Variants in LRRC7 observed in about 807,000 individuals in gnomAD.
LRRC7 encodes leucine rich repeat containing 7.
A neutral mutation model predicts 175.7 loss-of-function variants in LRRC7; 23 were observed. The ratio of observed to expected loss-of-function variants is 0.13; its 90% CI spans 0.09 to 0.19. LRRC7 has a LOEUF of 0.19. LRRC7 is among the 10% of genes least tolerant of loss of function. The probability of loss-of-function intolerance (pLI) is 1.00; values close to 1 mark genes in which losing one functional copy is unlikely to be tolerated. For missense variants in LRRC7, 1,354 were observed against 1,904.7 expected, an observed-to-expected ratio of 0.71 and a Z score of 5.38; for synonymous variants, 685 against 680.9, an observed-to-expected ratio of 1.01 and a Z score of -0.09.
intron 1 of LRRC7, among the ~76,000 whole-genome samples, chr1:69,599,658 G>T (rs1646974869): frequency 2.0e-5 from 3 of 152,264 alleles, no homozygotes; most frequent in Admixed American, 2.0e-4. Flanking sequence ...CCAATTCCTT[G>T]GTTCTGGGAT....
Position 69,717,762 on chromosome 1 carries a change from A to AAAGAAAGAAAGAAAGAAAGAAAG in LRRC7, c.100+39286_100+39287insGAAAGAAAGAAAGAAAGAAAGAA, listed in dbSNP as rs1557640309. ...ATTTAAAAGATATTGGAACATGAAA[A>AAAGAAAGAAAGAAAGAAAGAAAG]AAAGAAAAAAAGAAAGAAAGAAAGA... On this transcript the variant is annotated intron_variant, in intron 2 of 26. Transcript: ENST00000651989. Among the ~76,000 whole-genome samples, 12 of 40,842 alleles carry AAAGAAAGAAAGAAAGAAAGAAAG rather than the reference A, an allele frequency of 2.9e-4. 5 individuals are homozygous for AAAGAAAGAAAGAAAGAAAGAAAG. The highest frequency in any genetic ancestry group is 7.2e-4 in the African/African-American group (5 of 6,934). The allele number at this position is 40,842 out of a possible 152,430, so 26.8% of individuals were successfully genotyped here.
At chr1:69,905,879 G>A (rs946441038) in intron 7 of LRRC7, among the ~76,000 whole-genome samples, 10 of 152,196 alleles carry the variant, frequency 6.6e-5, no homozygotes, top group African/African-American at 9.7e-5. Context: ...CACCAACAGT[G>A]TAAAAGTGTT....
intron 7 of LRRC7, among the ~76,000 whole-genome samples, chr1:69,901,459 T>TG (rs35390232): frequency 0.55 from 84,268 of 151,860 alleles, 23,459 homozygotes; most frequent in East Asian, 0.7. Context: ...CCTTTTCTTA[T>TG]GGGGAAGTGG....
intron 1 of LRRC7, among the ~76,000 whole-genome samples, chr1:69,582,507 C>T (rs750211476): frequency 2.6e-5 from 4 of 152,166 alleles, no homozygotes; most frequent in Non-Finnish European, 5.9e-5. Context: ...CTTCTGCTCA[C>T]ACATAGCATA....
In LRRC7 at chr1:70,130,467, C is replaced by G. The variant is rs1451251837; in HGVS notation, c.*8580C>G. 2.0e-5 allele frequency among the ~76,000 whole-genome samples: 3 copies of G among 152,170 alleles called. No individual in the cohort carries two copies. The highest frequency in any genetic ancestry group is 7.2e-5 in the African/African-American group (3 of 41,436). On this transcript the variant is annotated 3_prime_UTR_variant, in exon 27 of 27. Coordinates refer to ENST00000651989, the MANE Select transcript of LRRC7 (RefSeq NM_001370785.2). ...ACCAACCTTTCATCTTCTCAGTTGACTCAAAATTCCCAGTTAAAAAAAATT... is the reference window on the plus strand; with the variant it reads ...ACCAACCTTTCATCTTCTCAGTTGAGTCAAAATTCCCAGTTAAAAAAAATT...
intron 1 of LRRC7, among the ~76,000 whole-genome samples, chr1:69,640,576 A>T (rs1392906218): frequency 6.6e-6 from 1 of 150,842 alleles, no homozygotes; most frequent in Non-Finnish European, 1.5e-5. Context: ...TTATGTTAAT[A>T]TAAATAAATA....
At chr1:69,662,802 A>G (rs1657674000) in intron 1 of LRRC7, among the ~76,000 whole-genome samples, 1 of 152,248 alleles carries the variant, frequency 6.6e-6, no homozygotes, top group Admixed American at 6.5e-5. Flanking sequence ...CTTGATATGC[A>G]TGCTTTCAGC....
intron 3 of LRRC7, among the ~76,000 whole-genome samples, chr1:69,764,276 T>C (rs1345475927): frequency 1.3e-5 from 2 of 151,822 alleles, no homozygotes; most frequent in African/African-American, 2.4e-5. Flanking sequence ...AACAGGTGCA[T>C]ATTATATATG....
chr1:69,591,325 A>G (rs1020778345), intron 1 of LRRC7, among the ~76,000 whole-genome samples: 1 of 152,100 alleles, frequency 6.6e-6, no homozygotes, highest in Non-Finnish European at 1.5e-5. Context: ...CAATTTGTTC[A>G]TATCAGTATC....
chr1:69,881,885 T>TA lies in LRRC7; in HGVS notation c.647+43618dup, dbSNP rs61466996. 6.4e-3 allele frequency among the ~76,000 whole-genome samples: 776 copies of TA among 120,910 alleles called. 6 individuals carry two copies. The highest frequency in any genetic ancestry group is 9.1e-3 in the Middle Eastern group (2 of 220). 79.3% of individuals were successfully genotyped at this position (120,910 alleles called of 152,430 possible). A position where few individuals can be genotyped will look rare whatever the true frequency, so the allele number is the denominator to read the frequency against. On this transcript the variant is annotated intron_variant, in intron 7 of 26. Coordinates refer to ENST00000651989, the MANE Select transcript of LRRC7 (RefSeq NM_001370785.2). ...ACAGAGTGAGACCCTGTCTCCAGATTAAAAAAAAAAAAAAAAGAACAAATA... is the reference window on the plus strand; with the variant it reads ...ACAGAGTGAGACCCTGTCTCCAGATTAAAAAAAAAAAAAAAAAGAACAAATA...
intron 8 of LRRC7, among the ~76,000 whole-genome samples, chr1:69,946,975 G>C (rs568670119): frequency 3.9e-4 from 60 of 152,170 alleles, no homozygotes; most frequent in African/African-American, 1.4e-3. Flanking sequence ...CTAATCTGGA[G>C]GCTGAGGCAT....
At chr1:69,901,694 A>G (rs1374193747) in intron 7 of LRRC7, among the ~76,000 whole-genome samples, 1 of 152,102 alleles carries the variant, frequency 6.6e-6, no homozygotes, top group African/African-American at 2.4e-5. Flanking sequence ...ATCATCTTTG[A>G]TCTCCTTCAT....
At chr1:69,785,379 A>G (rs917483693) in intron 3 of LRRC7, among the ~76,000 whole-genome samples, 1 of 152,130 alleles carries the variant, frequency 6.6e-6, no homozygotes, top group African/African-American at 2.4e-5. Context: ...ACAACTTTGC[A>G]TCAAGTTTTG....
intron 8 of LRRC7, among the ~76,000 whole-genome samples, chr1:69,951,340 A>T (rs1649903208): frequency 2.0e-5 from 3 of 152,062 alleles, no homozygotes; most frequent in Admixed American, 2.0e-4. Context: ...ACTGTTGGTG[A>T]TACTGTAAAT....
chr1:69,963,168 G>T (rs2101849108), intron 8 of LRRC7, among the ~76,000 whole-genome samples: 1 of 151,898 alleles, frequency 6.6e-6, no homozygotes, highest in South Asian at 2.1e-4. Context: ...AGCCGGGCAT[G>T]GTGGTACATG....
chr1:69,915,489 G>A (rs1236953148), intron 7 of LRRC7, among the ~76,000 whole-genome samples: 1 of 152,124 alleles, frequency 6.6e-6, no homozygotes, highest in Non-Finnish European at 1.5e-5. Context: ...TCTAAGAAAT[G>A]TCCTGCAGGA....
At chr1:69,677,832 A>C (rs1659985892) in intron 1 of LRRC7, among the ~76,000 whole-genome samples, 1 of 152,050 alleles carries the variant, frequency 6.6e-6, no homozygotes, top group African/African-American at 2.4e-5. Context: ...TTAGTTATGG[A>C]GGCTAGGAAG....
chr1:70,058,672 A>G (rs1661344148), intron 23 of LRRC7, among the ~76,000 whole-genome samples: 1 of 152,238 alleles, frequency 6.6e-6, no homozygotes, highest in Non-Finnish European at 1.5e-5. Flanking sequence ...AGTAAGCACT[A>G]TTATTTTGTT....
intron 2 of LRRC7, among the ~76,000 whole-genome samples, chr1:69,718,425 T>C (rs1026301784): frequency 1.3e-5 from 2 of 151,758 alleles, no homozygotes; most frequent in African/African-American, 2.4e-5. Context: ...TTAACTTCAA[T>C]AGAGGATATT....
Sources: gnomAD v4.1 joint callset for allele counts (sites outside exome capture counted in the v4.1 genomes callset) on GRCh38, gnomAD v4.1.1 for gene constraint, MANE v1.5 for transcripts, NCBI Gene and HGNC (gene_info 2026-07-23, HGNC 2026-07-21) for gene names.